Variants in FSTL5 observed in about 807,000 individuals in gnomAD.
FSTL5 encodes follistatin like 5.
Under a neutral mutation model 89.1 loss-of-function variants are expected in FSTL5, and 62 were observed. The observed-to-expected ratio is 0.70, with a 90% CI of 0.57 to 0.86. The LOEUF (loss-of-function observed/expected upper bound fraction) is 0.86, where lower values mean the gene tolerates loss of function less well. FSTL5 is among the 40% of genes least tolerant of loss of function. The pLI, the probability that FSTL5 is intolerant of heterozygous loss-of-function variation, is 0.00. For missense variants in FSTL5, 1,057 were observed against 1,001.6 expected, an observed-to-expected ratio of 1.06 and a Z score of -0.75; for synonymous variants, 383 against 346.2, an observed-to-expected ratio of 1.11 and a Z score of -1.18.
At chr4:161,386,593 A>T in intron 15 of FSTL5, 144 bp from the exon 16 acceptor site, 1 of 607,312 alleles carries the variant, frequency 1.6e-6, no homozygotes, top group African/African-American at 1.9e-5. Flanking sequence ...TGCTAGAATT[A>T]ATCTGTAGAT....
intron 7 of FSTL5, among the ~76,000 whole-genome samples, chr4:161,644,562 G>T (rs1736080852): frequency 6.6e-6 from 1 of 151,754 alleles, no homozygotes; most frequent in Non-Finnish European, 1.5e-5. Context: ...ATAAAACAAT[G>T]GAATCAGAGA....
At chr4:161,571,789 G>A (rs1328411237) in intron 8 of FSTL5, among the ~76,000 whole-genome samples, 1 of 152,106 alleles carries the variant, frequency 6.6e-6, no homozygotes, top group African/African-American at 2.4e-5. Context: ...AGTGCATTTC[G>A]TAAACACAGG....
intron 3 of FSTL5, among the ~76,000 whole-genome samples, chr4:161,948,690 C>T (rs917542161): frequency 1.2e-4 from 18 of 151,746 alleles, no homozygotes; most frequent in African/African-American, 3.4e-4. Flanking sequence ...TCAGGTGATC[C>T]GCCCGCCTTG....
chr4:161,390,431 C>T (rs1730783801), intron 15 of FSTL5, among the ~76,000 whole-genome samples: 1 of 152,062 alleles, frequency 6.6e-6, no homozygotes, highest in East Asian at 1.9e-4. Context: ...TGGTTGAAAA[C>T]CACAAAGCCT....
chr4:161,391,689 A>G (rs1000636791), intron 15 of FSTL5, among the ~76,000 whole-genome samples: 2 of 152,234 alleles, frequency 1.3e-5, no homozygotes, highest in Admixed American at 1.3e-4. Context: ...TCAGTAAAAC[A>G]TACCTGTTTA....
chr4:162,112,219 C>G (rs1376491716), intron 1 of FSTL5, among the ~76,000 whole-genome samples: 3 of 151,980 alleles, frequency 2.0e-5, no homozygotes, highest in African/African-American at 7.2e-5. Flanking sequence ...CAAAGCCAAT[C>G]TGTTATGTCT....
intron 4 of FSTL5, among the ~76,000 whole-genome samples, chr4:161,912,697 G>T (rs1733729396): frequency 6.6e-6 from 1 of 152,144 alleles, no homozygotes; most frequent in African/African-American, 2.4e-5. Context: ...TGGCTGAAAA[G>T]ATACCAGAAA....
rs1186311654 is a variant in FSTL5, at chr4:161,409,805, GC to G, written c.1842-23357del. ...ACACATAGCCCATAGTCACTATAAA[GC>G]AACTACAAATCACATCTATATATTA... On this transcript the variant is annotated intron_variant, in intron 15 of 15. Coordinates refer to ENST00000306100, the MANE Select transcript of FSTL5 (RefSeq NM_020116.5). Among the ~76,000 whole-genome samples the G allele has an allele frequency of 4.6e-5, 7 of 152,250 alleles. No homozygotes were observed. The South Asian group carries it at 1.5e-3, about 32-fold the overall frequency.
chr4:161,979,353 G>A lies in FSTL5; in HGVS notation c.160+54272C>T, dbSNP rs577785481. 2.0e-3 allele frequency among the ~76,000 whole-genome samples: 306 copies of A among 152,204 alleles called. 1 individual carries two copies. The highest frequency in any genetic ancestry group is 0.017 in the South Asian group (80 of 4,822). On this transcript the variant is annotated intron_variant, in intron 3 of 15. Transcript: ENST00000306100. ...ACAGATATATGAGGGAAAAATAAAT[G>A]TGCTTTGTATATGCCACTACATAAG... is the stretch of plus-strand genomic sequence containing the variant.
intron 15 of FSTL5, among the ~76,000 whole-genome samples, chr4:161,410,276 A>T (rs990760160): frequency 3.3e-5 from 5 of 152,188 alleles, no homozygotes; most frequent in African/African-American, 4.8e-5. Context: ...ACATGATAAG[A>T]GTGAGAGACT....
chr4:161,462,029 CAG>C (rs1330617505), intron 13 of FSTL5, among the ~76,000 whole-genome samples: 1 of 152,044 alleles, frequency 6.6e-6, no homozygotes, highest in Admixed American at 6.6e-5. Flanking sequence ...TGAAAATTTC[CAG>C]TTTGCCAGCT....
intron 3 of FSTL5, among the ~76,000 whole-genome samples, chr4:161,995,657 T>A (rs1736270397): frequency 6.6e-6 from 1 of 151,278 alleles, no homozygotes; most frequent in Non-Finnish European, 1.5e-5. Context: ...GAAGTATACA[T>A]TATGATATGG....
At chr4:161,419,855 G>T (rs1274774484) in intron 15 of FSTL5, among the ~76,000 whole-genome samples, 1 of 152,158 alleles carries the variant, frequency 6.6e-6, no homozygotes, top group Non-Finnish European at 1.5e-5. Context: ...TGGCCTAGAG[G>T]TCTTAATTGC....
At chr4:161,779,622 T>C (rs1483323849) in intron 4 of FSTL5, among the ~76,000 whole-genome samples, 1 of 151,458 alleles carries the variant, frequency 6.6e-6, no homozygotes, top group Non-Finnish European at 1.5e-5. Flanking sequence ...TTTACATATG[T>C]GCCATATCTC....
chr4:161,587,411 A>G (rs1733652527), intron 8 of FSTL5, 44 bp downstream of exon 8: 3 of 1,595,896 alleles, frequency 1.9e-6, no homozygotes, highest in South Asian at 1.1e-5. Flanking sequence ...CTAGTAAACT[A>G]TGGTGTTCTT....
chr4:161,863,497 C>A (rs1002510927), intron 4 of FSTL5, among the ~76,000 whole-genome samples: 1 of 151,982 alleles, frequency 6.6e-6, no homozygotes, highest in African/African-American at 2.4e-5. Context: ...GAGAACATTG[C>A]GAGGCATGAT....
chr4:161,499,061 G>A (rs773797548), intron 12 of FSTL5, among the ~76,000 whole-genome samples: 3 of 152,054 alleles, frequency 2.0e-5, no homozygotes, highest in Non-Finnish European at 2.9e-5. Flanking sequence ...AATTAGCTGG[G>A]CTTGGAGGCA....
At chr4:161,884,800 C>T (rs1732747121) in intron 4 of FSTL5, among the ~76,000 whole-genome samples, 1 of 152,098 alleles carries the variant, frequency 6.6e-6, no homozygotes, top group Non-Finnish European at 1.5e-5. Context: ...GAATAGCAGA[C>T]TATCCGGCTT....
chr4:161,510,055 C>T (rs1375246052), intron 11 of FSTL5, among the ~76,000 whole-genome samples: 3 of 152,116 alleles, frequency 2.0e-5, no homozygotes, highest in African/African-American at 4.8e-5. Flanking sequence ...CTTGATAAGG[C>T]ACAGTTTTTA....
Sources: gnomAD v4.1 joint callset for allele counts (sites outside exome capture counted in the v4.1 genomes callset) on GRCh38, gnomAD v4.1.1 for gene constraint, MANE v1.5 for transcripts, NCBI Gene and HGNC (gene_info 2026-07-23, HGNC 2026-07-21) for gene names.